The following FILIP1 variants were observed in gnomAD, a reference collection of about 807,000 sequenced individuals.
The protein encoded by FILIP1 is filamin A interacting protein 1, also known as filamin-A-interacting protein 1.
Under a neutral mutation model 102.1 loss-of-function variants are expected in FILIP1, and 61 were observed. That is an observed-to-expected ratio of 0.60 (90% CI 0.49 to 0.74). The LOEUF (loss-of-function observed/expected upper bound fraction) is 0.74. FILIP1 is among the 30% of genes least tolerant of loss of function. The pLI, the probability that FILIP1 is intolerant of heterozygous loss-of-function variation, is 0.00. For synonymous variants in FILIP1, 491 were observed against 526.9 expected (o/e 0.93, Z 0.93); for missense variants, 1,314 against 1,441.2 (o/e 0.91, Z 1.43).
At chr6:75,395,863 G>A (rs561199134) in intron 2 of FILIP1, among the ~76,000 whole-genome samples, 158 of 152,150 alleles carry the variant, frequency 1.0e-3, no homozygotes, top group African/African-American at 3.6e-3. Context: ...GTTATTTTAC[G>A]ACAAATAATT....
At chr6:75,327,280 C>T (rs1773895255) in intron 4 of FILIP1, among the ~76,000 whole-genome samples, 1 of 152,170 alleles carries the variant, frequency 6.6e-6, no homozygotes, top group African/African-American at 2.4e-5. Flanking sequence ...AGTTACTTCT[C>T]ACTTCCTCCA....
intron 4 of FILIP1, among the ~76,000 whole-genome samples, chr6:75,352,608 A>T (rs1031879950): frequency 6.6e-6 from 1 of 152,166 alleles, no homozygotes; most frequent in African/African-American, 2.4e-5. Context: ...TTTAAAAGTT[A>T]TGCAGCCCTT....
intron 1 of FILIP1, among the ~76,000 whole-genome samples, chr6:75,436,097 G>A (rs1253458094): frequency 1.3e-5 from 2 of 152,178 alleles, no homozygotes; most frequent in Non-Finnish European, 2.9e-5. Flanking sequence ...GCAAGGCTGG[G>A]TACAGTGGCT....
intron 1 of FILIP1, among the ~76,000 whole-genome samples, chr6:75,479,636 T>C (rs567702657): frequency 7.9e-5 from 12 of 151,892 alleles, no homozygotes; most frequent in African/African-American, 2.9e-4. Context: ...TGGGAGGCCA[T>C]AGCCAGTGGA....
chr6:75,320,502 G>A (rs546267731), intron 4 of FILIP1, among the ~76,000 whole-genome samples: 43 of 152,188 alleles, frequency 2.8e-4, no homozygotes, highest in African/African-American at 9.9e-4. Context: ...ACCTGAGCCC[G>A]GGAGGCAGAG....
chr6:75,355,391 ATT>A (rs397885759), intron 3 of FILIP1, among the ~76,000 whole-genome samples: 122 of 131,302 alleles, frequency 9.3e-4, no homozygotes, highest in South Asian at 6.6e-3. Context: ...AGGTTATAAG[ATT>A]TTTTTTTTTT....
chr6:75,407,395 T>A (rs1046774976), intron 2 of FILIP1, among the ~76,000 whole-genome samples: 18 of 151,948 alleles, frequency 1.2e-4, no homozygotes, highest in Non-Finnish European at 2.5e-4. Context: ...CCAGCTAATT[T>A]TTTTGTATTT....
chr6:75,364,933 C>T (rs1207123113), intron 2 of FILIP1, among the ~76,000 whole-genome samples: 2 of 152,226 alleles, frequency 1.3e-5, no homozygotes, highest in Admixed American at 1.3e-4. Context: ...CTGAAAGAGA[C>T]AAACTCGTCT....
chr6:75,319,830 C>CAAAAAAAA, intron 4 of FILIP1: 1 of 334,736 alleles, frequency 3.0e-6, no homozygotes, highest in Non-Finnish European at 5.5e-6. Context: ...ACTCCGTCCC[C>CAAAAAAAA]CAAAAAAAAA....
intron 1 of FILIP1, among the ~76,000 whole-genome samples, chr6:75,430,465 C>CA (rs1050364303): frequency 2.6e-5 from 4 of 151,208 alleles, no homozygotes; most frequent in Non-Finnish European, 4.4e-5. Flanking sequence ...TAAATCATAT[C>CA]AAAAAACAGA....
At chr6:75,366,141 T>C (rs1775324536) in intron 2 of FILIP1, 1 of 152,244 alleles carries the variant, frequency 6.6e-6, no homozygotes, top group South Asian at 2.1e-4. Context: ...TCCCACCTAA[T>C]ATTTATTATG....
At chr6:75,426,675 T>C (rs1777636647) in intron 1 of FILIP1, among the ~76,000 whole-genome samples, 1 of 152,034 alleles carries the variant, frequency 6.6e-6, no homozygotes, top group Non-Finnish European at 1.5e-5. Context: ...GTGTGAATTA[T>C]GGTGGGATTC....
chr6:75,482,447 G>A (rs771791957), intron 1 of FILIP1, among the ~76,000 whole-genome samples: 16 of 152,128 alleles, frequency 1.1e-4, no homozygotes, highest in Non-Finnish European at 1.8e-4. Context: ...GGATAGGAGC[G>A]TTTCCAGCTA....
chr6:75,377,776 G>A (rs1457850093), intron 2 of FILIP1, among the ~76,000 whole-genome samples: 1 of 152,192 alleles, frequency 6.6e-6, no homozygotes, highest in African/African-American at 2.4e-5. Context: ...GGACAGAACT[G>A]CTTTTTAAAA....
chr6:75,336,752 C>T (rs4541712), intron 4 of FILIP1, among the ~76,000 whole-genome samples: 101,382 of 151,966 alleles, frequency 0.67, 33,973 homozygotes, highest in Middle Eastern at 0.75. Flanking sequence ...TTTCTTTTCC[C>T]TCCCTGTTTA....
chr6:75,439,911 CA>C (rs1778151173), intron 1 of FILIP1, among the ~76,000 whole-genome samples: 1 of 152,166 alleles, frequency 6.6e-6, no homozygotes, highest in South Asian at 2.1e-4. Flanking sequence ...AACCAGTCAA[CA>C]AATATTTCTT....
chr6:75,392,990 G>T (rs1776331419), intron 2 of FILIP1, among the ~76,000 whole-genome samples: 1 of 152,152 alleles, frequency 6.6e-6, no homozygotes, highest in Non-Finnish European at 1.5e-5. Context: ...TCCAGTCTCA[G>T]GTATGTCTTT....
At chr6:75,458,883 A>C (rs1778928889) in intron 1 of FILIP1, 1 of 152,168 alleles carries the variant, frequency 6.6e-6, no homozygotes, top group Admixed American at 6.5e-5. Context: ...TGCTTAAATA[A>C]AAACTACTCA....
Position 75,485,986 on chromosome 6 carries a change from CACACACACACAT to C in FILIP1, c.-7+7416_-7+7427del, listed in dbSNP as rs1475591250. ...TGACCAAAACACACACACACACACA[CACACACACACAT>C]ACACACACACACACACACACACTCC... On this transcript the variant is annotated intron_variant, in intron 1 of 5. Transcript: ENST00000237172. Among the ~76,000 whole-genome samples the C allele has an allele frequency of 1.4e-3, 191 of 139,384 alleles. 1 individual carries two copies. The highest frequency in any genetic ancestry group is 5.4e-3 in the African/African-American group (179 of 32,988). The allele number at this position is 139,384 out of a possible 152,430, so 91.4% of individuals were successfully genotyped here. A position where few individuals can be genotyped will look rare whatever the true frequency, so the allele number is the denominator to read the frequency against.
Sources: allele counts gnomAD v4.1 joint callset (sites outside exome capture counted in the v4.1 genomes callset), GRCh38; gene constraint gnomAD v4.1.1; transcripts MANE v1.5; gene names NCBI Gene and HGNC (gene_info 2026-07-23, HGNC 2026-07-21).